ABI1: variants seen among roughly 807,000 people sequenced by gnomAD.
ABI1 encodes the protein abl interactor 1.
A neutral mutation model predicts 54.6 loss-of-function variants in ABI1; 14 were observed. The observed-to-expected ratio is 0.26, with a 90% confidence interval of 0.17 to 0.40. The LOEUF is 0.40. ABI1 is among the 10% of genes least tolerant of loss of function. ABI1 has a pLI of 1.00. For missense variants in ABI1, 443 were observed against 598.3 expected (o/e 0.74, Z 2.71); for synonymous variants, 194 against 209.3 (o/e 0.93, Z 0.63).
chr10:26,758,150 A>G (rs1838582710), intron 8 of ABI1, among the ~76,000 whole-genome samples: 1 of 152,006 alleles, frequency 6.6e-6, no homozygotes, highest in Admixed American at 6.6e-5. Flanking sequence ...ATAAATAAAA[A>G]GAACTTAAAG....
chr10:26,750,612 C>G (rs1172023104), intron 10 of ABI1, among the ~76,000 whole-genome samples: 1 of 152,094 alleles, frequency 6.6e-6, no homozygotes, highest in Non-Finnish European at 1.5e-5. Context: ...GTCCGTTAAC[C>G]CAGTAAAGTC....
chr10:26,854,684 C>G (rs1200022240), intron 1 of ABI1, among the ~76,000 whole-genome samples: 1 of 152,202 alleles, frequency 6.6e-6, no homozygotes, highest in African/African-American at 2.4e-5. Flanking sequence ...GTTTTACTCA[C>G]ACTTCAAAGT....
chr10:26,755,630 C>T, intron 9 of ABI1, 25 bp downstream of exon 9: 1 of 1,576,826 alleles, frequency 6.3e-7, no homozygotes, highest in Non-Finnish European at 8.7e-7. Flanking sequence ...TCTACTCTTC[C>T]ATAGCTCAGT....
intron 1 of ABI1, among the ~76,000 whole-genome samples, chr10:26,845,169 C>T (rs1342909900): frequency 6.6e-6 from 1 of 150,486 alleles, no homozygotes; most frequent in Admixed American, 6.6e-5. Context: ...AGCTGCTTGA[C>T]ATATTCTCTT....
chr10:26,826,439 C>T (rs1024806457), intron 1 of ABI1, among the ~76,000 whole-genome samples: 1 of 152,148 alleles, frequency 6.6e-6, no homozygotes, highest in Non-Finnish European at 1.5e-5. Flanking sequence ...ACAAGCAGAG[C>T]AGATTCAGCA....
intron 2 of ABI1, among the ~76,000 whole-genome samples, chr10:26,779,254 C>G (rs1021403613): frequency 6.6e-6 from 1 of 152,140 alleles, no homozygotes; most frequent in Non-Finnish European, 1.5e-5. Context: ...GTATGGTCAA[C>G]CAGGCAATGA....
At chr10:26,857,340 A>C (rs1039017799) in intron 1 of ABI1, among the ~76,000 whole-genome samples, 13 of 83,802 alleles carry the variant, frequency 1.6e-4, no homozygotes, top group East Asian at 5.5e-4. Flanking sequence ...AAAAAAAAAA[A>C]AAAAAAAAAA....
intron 7 of ABI1, among the ~76,000 whole-genome samples, chr10:26,760,982 G>A (rs1005007233): frequency 6.8e-6 from 1 of 146,820 alleles, no homozygotes; most frequent in Non-Finnish European, 1.5e-5. Context: ...TCTGACTGTC[G>A]CCCAGGCTGG....
At chr10:26,763,052 T>C (rs1472909472) in intron 7 of ABI1, among the ~76,000 whole-genome samples, 1 of 152,146 alleles carries the variant, frequency 6.6e-6, no homozygotes, top group African/African-American at 2.4e-5. Flanking sequence ...TTCTTCTGGT[T>C]ATTAATTGGG....
At chr10:26,826,929 T>G (rs1394476726) in intron 1 of ABI1, among the ~76,000 whole-genome samples, 1 of 152,158 alleles carries the variant, frequency 6.6e-6, no homozygotes, top group Non-Finnish European at 1.5e-5. Context: ...TTTTTTCTTT[T>G]TTGAGACGGA....
At chr10:26,825,481 T>A (rs2048254551) in intron 1 of ABI1, among the ~76,000 whole-genome samples, 3 of 152,036 alleles carry the variant, frequency 2.0e-5, no homozygotes, top group Admixed American at 2.0e-4. Flanking sequence ...GTCAACATGG[T>A]GAAACCCTGT....
intron 2 of ABI1, 87 bp from the exon 3 acceptor site, chr10:26,777,328 A>C (rs1841534414): frequency 2.1e-5 from 21 of 981,088 alleles, no homozygotes; most frequent in Non-Finnish European, 3.1e-5. Context: ...TTTAGGACAG[A>C]CCACAGGGCT....
chr10:26,790,219 C>T (rs7100699), intron 2 of ABI1, among the ~76,000 whole-genome samples: 3,108 of 152,302 alleles, frequency 0.02, 77 homozygotes, highest in African/African-American at 0.065. Flanking sequence ...CTGTCTTCCA[C>T]AATGGTTGAA....
At chr10:26,750,113 CGTAA>C (rs752566635) in intron 10 of ABI1, among the ~76,000 whole-genome samples, 4 of 152,192 alleles carry the variant, frequency 2.6e-5, no homozygotes, top group Non-Finnish European at 4.4e-5. Context: ...TTATCATCCT[CGTAA>C]GTAACAACAG....
At chr10:26,846,435 C>T (rs1338378317) in intron 1 of ABI1, among the ~76,000 whole-genome samples, 1 of 151,558 alleles carries the variant, frequency 6.6e-6, no homozygotes, top group African/African-American at 2.4e-5. Flanking sequence ...CTCCGCCTCC[C>T]AGGTTCAAGT....
intron 1 of ABI1, among the ~76,000 whole-genome samples, chr10:26,832,808 G>A (rs2048773170): frequency 6.6e-6 from 1 of 152,048 alleles, no homozygotes; most frequent in Non-Finnish European, 1.5e-5. Flanking sequence ...GGGGAGAGAT[G>A]AGAGGATCAG....
chr10:26,854,274 T>C (rs149848515), intron 1 of ABI1, among the ~76,000 whole-genome samples: 1 of 152,304 alleles, frequency 6.6e-6, no homozygotes, highest in Non-Finnish European at 1.5e-5. Flanking sequence ...CTGTTATTAG[T>C]ATTAAAGCCA....
intron 1 of ABI1, among the ~76,000 whole-genome samples, chr10:26,840,661 C>G (rs10764651): frequency 0.26 from 38,860 of 151,984 alleles, 5,628 homozygotes; most frequent in South Asian, 0.44. Context: ...CAATTAATCT[C>G]TACTGTAATC....
intron 2 of ABI1, among the ~76,000 whole-genome samples, chr10:26,790,988 C>G (rs1191650280): frequency 1.4e-5 from 2 of 147,920 alleles, no homozygotes; most frequent in Non-Finnish European, 3.0e-5. Flanking sequence ...GGAGGATCAC[C>G]TGAGCCCAAG....
Sources: allele counts gnomAD v4.1 joint callset (sites outside exome capture counted in the v4.1 genomes callset), GRCh38; gene constraint gnomAD v4.1.1; transcripts MANE v1.5; gene names NCBI Gene and HGNC (gene_info 2026-07-23, HGNC 2026-07-21).